IQCJ: variants seen among roughly 807,000 people sequenced by gnomAD.
The protein encoded by IQCJ is IQ domain-containing protein J.
In IQCJ, 9 loss-of-function variants were observed where a neutral mutation model predicts 11.0. The ratio of observed to expected loss-of-function variants is 0.82; its 90% confidence interval spans 0.49 to 1.43. The LOEUF is 1.43. Among genes scored for constraint, IQCJ ranks in the 40% most tolerant of loss-of-function variants. The probability of loss-of-function intolerance (pLI) is 0.00; values close to 1 mark genes in which losing one functional copy is unlikely to be tolerated. For synonymous variants in IQCJ, 55 were observed against 51.3 expected (o/e 1.07, Z -0.31); for missense variants, 146 against 133.2 (o/e 1.10, Z -0.47).
intron 1 of IQCJ, among the ~76,000 whole-genome samples, chr3:159,094,237 CA>C (rs1717554029): frequency 6.6e-6 from 1 of 150,876 alleles, no homozygotes; most frequent in South Asian, 2.1e-4. Flanking sequence ...ATATTGGCCT[CA>C]AGGTTCTTAT....
intron 1 of IQCJ, among the ~76,000 whole-genome samples, chr3:159,188,430 C>A (rs1164621446): frequency 6.6e-6 from 1 of 151,646 alleles, no homozygotes; most frequent in Non-Finnish European, 1.5e-5. Flanking sequence ...ACAAAAACAA[C>A]AACAAAAAAC....
chr3:159,105,942 T>A (rs539157352), intron 1 of IQCJ, among the ~76,000 whole-genome samples: 71 of 152,222 alleles, frequency 4.7e-4, no homozygotes, highest in African/African-American at 1.6e-3. Context: ...TCAGTTTGGC[T>A]GATAAGGGAA....
chr3:159,231,695 A>G (rs1726259165), intron 1 of IQCJ, among the ~76,000 whole-genome samples: 1 of 152,214 alleles, frequency 6.6e-6, no homozygotes, highest in East Asian at 1.9e-4. Flanking sequence ...GAATAGTTTC[A>G]GAAGAAATGG....
At chr3:159,223,798 G>C (rs1007330221) in intron 1 of IQCJ, among the ~76,000 whole-genome samples, 1 of 152,120 alleles carries the variant, frequency 6.6e-6, no homozygotes, top group Non-Finnish European at 1.5e-5. Context: ...AAAATTCTAT[G>C]CTTCATGTGA....
chr3:159,243,627 G>A (rs1727067571), intron 1 of IQCJ, among the ~76,000 whole-genome samples: 1 of 152,182 alleles, frequency 6.6e-6, no homozygotes, highest in South Asian at 2.1e-4. Context: ...TTGTAAAGGG[G>A]AACAAAGGAA....
chr3:159,201,251 G>A (rs1487202496), intron 1 of IQCJ, among the ~76,000 whole-genome samples: 3 of 152,154 alleles, frequency 2.0e-5, no homozygotes, highest in Non-Finnish European at 1.5e-5. Context: ...GCCCACATAA[G>A]TTAAAATTAA....
chr3:159,139,509 G>T (rs555821787), intron 1 of IQCJ, among the ~76,000 whole-genome samples: 1 of 152,224 alleles, frequency 6.6e-6, no homozygotes, highest in East Asian at 1.9e-4. Context: ...ATGAGGTCCG[G>T]CTCACTGCAC....
At chr3:159,091,662 A>G (rs1489186279) in intron 1 of IQCJ, among the ~76,000 whole-genome samples, 987 of 53,400 alleles carry the variant, frequency 0.018, 6 homozygotes, top group Non-Finnish European at 0.027. Context: ...ACACACACAC[A>G]CACACACGCA....
chr3:159,126,819 A>G (rs1363047040), intron 1 of IQCJ, among the ~76,000 whole-genome samples: 1 of 152,158 alleles, frequency 6.6e-6, no homozygotes, highest in Non-Finnish European at 1.5e-5. Flanking sequence ...CTGTTGATAC[A>G]GTGCTTCCAA....
chr3:159,252,557 T>TC (rs753945826), intron 2 of IQCJ, among the ~76,000 whole-genome samples, 170 bp from the exon 3 acceptor site: 10 of 152,306 alleles, frequency 6.6e-5, no homozygotes, highest in Middle Eastern at 3.4e-3. Context: ...ATTTTTTTTT[T>TC]CATGATATGG....
At chr3:159,134,412 T>A (rs1317437822) in intron 1 of IQCJ, among the ~76,000 whole-genome samples, 1 of 152,174 alleles carries the variant, frequency 6.6e-6, no homozygotes, top group African/African-American at 2.4e-5. Context: ...GAGCCACCTA[T>A]AAGCCTCTCC....
rs538488035 is a variant in IQCJ at position 159,249,668 on chromosome 3, C to T, written c.75-3059C>T. ...CTTTGAGTGAGCAGATTAGGCATTT[C>T]GTTATAGCTGCAGCTGACTTAGGTG... On this transcript the variant is annotated intron_variant, in intron 2 of 3. Coordinates refer to ENST00000397832, the MANE Select transcript of IQCJ (RefSeq NM_001042706.3). Among the ~76,000 whole-genome samples, 85 of 152,316 alleles carry T rather than the reference C, an allele frequency of 5.6e-4. 1 individual carries two copies. Among genetic ancestry groups the T allele is most frequent in the Non-Finnish European group, 9.7e-4 (66 of 68,032 alleles).
chr3:159,164,656 T>A (rs2108226790), intron 1 of IQCJ, among the ~76,000 whole-genome samples: 1 of 152,154 alleles, frequency 6.6e-6, no homozygotes, highest in East Asian at 1.9e-4. Flanking sequence ...TAATCCCAGC[T>A]ACTTGGGAGG....
At chr3:159,139,697 G>A (rs754402260) in intron 1 of IQCJ, among the ~76,000 whole-genome samples, 1 of 152,178 alleles carries the variant, frequency 6.6e-6, no homozygotes, top group Non-Finnish European at 1.5e-5. Flanking sequence ...CACCTGCCAG[G>A]GTGCTGCTCA....
At chr3:159,160,514 T>C (rs1235586706) in intron 1 of IQCJ, among the ~76,000 whole-genome samples, 1 of 151,682 alleles carries the variant, frequency 6.6e-6, no homozygotes, top group Admixed American at 6.6e-5. Flanking sequence ...TATATTTTTA[T>C]TTTTTTATTT....
intron 2 of IQCJ, among the ~76,000 whole-genome samples, chr3:159,252,290 G>A (rs1315405308): frequency 6.6e-6 from 1 of 152,194 alleles, no homozygotes; most frequent in Non-Finnish European, 1.5e-5. Context: ...CCCAGTGGAA[G>A]CCCTGAAACG....
At chr3:159,149,188 A>T (rs1397827380) in intron 1 of IQCJ, among the ~76,000 whole-genome samples, 3 of 152,238 alleles carry the variant, frequency 2.0e-5, no homozygotes, top group Non-Finnish European at 2.9e-5. Context: ...CACGGGCACA[A>T]TCCTGGACAG....
intron 1 of IQCJ, among the ~76,000 whole-genome samples, chr3:159,120,994 G>C (rs1719338087): frequency 6.6e-6 from 1 of 151,972 alleles, no homozygotes. Context: ...GCAAATGTTA[G>C]TTGAGCCTGT....
At chr3:159,084,759 G>T (rs2108064877) in intron 1 of IQCJ, among the ~76,000 whole-genome samples, 1 of 152,056 alleles carries the variant, frequency 6.6e-6, no homozygotes, top group Middle Eastern at 3.4e-3. Flanking sequence ...AGTTTTGGCA[G>T]AAACTAGAAA....
Sources: allele counts gnomAD v4.1 joint callset (sites outside exome capture counted in the v4.1 genomes callset), GRCh38; gene constraint gnomAD v4.1.1; transcripts MANE v1.5; gene names NCBI Gene and HGNC (gene_info 2026-07-23, HGNC 2026-07-21).